ATRNL1: variants seen among roughly 807,000 people sequenced by gnomAD.
ATRNL1 encodes attractin like 1.
A neutral mutation model predicts 182.7 loss-of-function variants in ATRNL1; 95 were observed. The observed-to-expected ratio is 0.52, with a 90% CI of 0.44 to 0.62. The LOEUF (loss-of-function observed/expected upper bound fraction) is 0.62. Ranked by LOEUF, ATRNL1 falls within the 20% of genes least tolerant of loss-of-function variation. The probability of loss-of-function intolerance (pLI) is 0.00; values close to 1 mark genes in which losing one functional copy is unlikely to be tolerated. For missense variants in ATRNL1, 1,471 were observed against 1,679.5 expected, an observed-to-expected ratio of 0.88 and a Z score of 2.17; for synonymous variants, 576 against 568.3, an observed-to-expected ratio of 1.01 and a Z score of -0.19.
chr10:115,737,191 C>G (rs1555066088), intron 27 of ATRNL1, among the ~76,000 whole-genome samples: 1 of 151,554 alleles, frequency 6.6e-6, no homozygotes, highest in African/African-American at 2.4e-5. Flanking sequence ...TTTGGGAGGC[C>G]TAGGCAGGAG....
chr10:115,868,903 C>T (rs1191660294), intron 28 of ATRNL1, among the ~76,000 whole-genome samples: 1 of 138,886 alleles, frequency 7.2e-6, no homozygotes, highest in Admixed American at 7.6e-5. Context: ...GATCTCGGCT[C>T]ACTGCAAGCT....
At chr10:115,698,229 T>A (rs1013344239) in intron 26 of ATRNL1, among the ~76,000 whole-genome samples, 1 of 152,102 alleles carries the variant, frequency 6.6e-6, no homozygotes, top group Non-Finnish European at 1.5e-5. Flanking sequence ...CTCATGAAAC[T>A]AGTTAAATGA....
At chr10:115,369,499 T>A (rs905209804) in intron 19 of ATRNL1, among the ~76,000 whole-genome samples, 1 of 152,210 alleles carries the variant, frequency 6.6e-6, no homozygotes, top group African/African-American at 2.4e-5. Context: ...TGATTTTGTA[T>A]CTTTGCTAGT....
intron 25 of ATRNL1, among the ~76,000 whole-genome samples, chr10:115,522,505 A>G (rs950146635): frequency 1.3e-5 from 2 of 152,128 alleles, no homozygotes; most frequent in Admixed American, 1.3e-4. Context: ...ATTAGGCTCA[A>G]TCTCCAACGA....
chr10:115,778,475 T>A (rs987551478), intron 27 of ATRNL1, among the ~76,000 whole-genome samples: 3 of 152,220 alleles, frequency 2.0e-5, no homozygotes, highest in Non-Finnish European at 2.9e-5. Flanking sequence ...ACTGAGTTGG[T>A]CTTTAAAGAG....
chr10:115,577,610 T>TTGTGTGTGTGTGTGTGTG (rs3981280), intron 26 of ATRNL1, among the ~76,000 whole-genome samples: 2 of 135,016 alleles, frequency 1.5e-5, no homozygotes, highest in Non-Finnish European at 1.6e-5. Flanking sequence ...TTCTAACAGG[T>TTGTGTGTGTGTGTGTGTG]TGTGTGTGTG....
intron 17 of ATRNL1, among the ~76,000 whole-genome samples, chr10:115,305,409 T>G (rs1489169112): frequency 6.6e-6 from 1 of 152,136 alleles, no homozygotes; most frequent in African/African-American, 2.4e-5. Flanking sequence ...TATTATGAGT[T>G]GAGCTCCCTG....
At chr10:115,785,179 A>T (rs1244784081) in intron 27 of ATRNL1, among the ~76,000 whole-genome samples, 1 of 152,236 alleles carries the variant, frequency 6.6e-6, no homozygotes, top group African/African-American at 2.4e-5. Context: ...TGCTTTCAAA[A>T]TACAATGATG....
intron 25 of ATRNL1, among the ~76,000 whole-genome samples, chr10:115,527,273 C>A (rs1400110792): frequency 1.3e-5 from 2 of 152,044 alleles, no homozygotes; most frequent in East Asian, 3.9e-4. Flanking sequence ...AGCTTGCCAT[C>A]ACAGCTGACT....
At chr10:115,635,318 TAA>T (rs200735973) in intron 26 of ATRNL1, among the ~76,000 whole-genome samples, 23 of 128,124 alleles carry the variant, frequency 1.8e-4, no homozygotes, top group African/African-American at 4.2e-4. Flanking sequence ...GGAAAAGTGG[TAA>T]AAAAAAAAAA....
At chr10:115,480,911 T>C (rs1848733787) in intron 24 of ATRNL1, among the ~76,000 whole-genome samples, 1 of 151,078 alleles carries the variant, frequency 6.6e-6, no homozygotes, top group African/African-American at 2.4e-5. Context: ...ATGGTATAAA[T>C]GTAAAATCTG....
chr10:115,389,185 T>C (rs1302225576), intron 19 of ATRNL1, among the ~76,000 whole-genome samples: 4 of 152,058 alleles, frequency 2.6e-5, no homozygotes, highest in Admixed American at 1.3e-4. Flanking sequence ...CCTGGTTTAT[T>C]TCATTTAGCA....
intron 22 of ATRNL1, among the ~76,000 whole-genome samples, chr10:115,464,463 T>C (rs1346539375): frequency 6.6e-6 from 1 of 151,970 alleles, no homozygotes; most frequent in Non-Finnish European, 1.5e-5. Context: ...CAAACAATGT[T>C]CTAAATCACT....
intron 9 of ATRNL1, among the ~76,000 whole-genome samples, chr10:115,216,236 G>T (rs1223054699): frequency 6.6e-6 from 1 of 152,112 alleles, no homozygotes; most frequent in African/African-American, 2.4e-5. Flanking sequence ...ATCTTTTCAT[G>T]TACATATTTA....
chr10:115,531,004 C>T (rs1851545265), intron 25 of ATRNL1, among the ~76,000 whole-genome samples: 1 of 152,114 alleles, frequency 6.6e-6, no homozygotes, highest in African/African-American at 2.4e-5. Flanking sequence ...ATATGTGCCA[C>T]ATTTTCTTAA....
chr10:115,902,932 G>C (rs549906375), intron 28 of ATRNL1, among the ~76,000 whole-genome samples: 4 of 152,290 alleles, frequency 2.6e-5, no homozygotes, highest in Non-Finnish European at 5.9e-5. Context: ...TTTCAAGGAA[G>C]CCCAGCTGTC....
At chr10:115,226,155 C>T (rs569847138) in intron 9 of ATRNL1, among the ~76,000 whole-genome samples, 36 of 151,856 alleles carry the variant, frequency 2.4e-4, no homozygotes, top group Non-Finnish European at 4.3e-4. Context: ...AAAGGTGGAA[C>T]TACAGAGCAG....
At chr10:115,393,490 AC>A (rs1844134230) in intron 19 of ATRNL1, among the ~76,000 whole-genome samples, 1 of 152,160 alleles carries the variant, frequency 6.6e-6, no homozygotes, top group Admixed American at 6.6e-5. Context: ...TCAGGAAAAG[AC>A]CATATCATTT....
intron 25 of ATRNL1, among the ~76,000 whole-genome samples, chr10:115,546,339 CAGATCATGAGGTCAGG>C (rs1467633805): frequency 6.6e-6 from 1 of 151,872 alleles, no homozygotes; most frequent in Non-Finnish European, 1.5e-5. Flanking sequence ...CTGAGGAGGG[CAGATCATGAGGTCAGG>C]AGATCGAGAC....
Sources: gnomAD v4.1 joint callset for allele counts (sites outside exome capture counted in the v4.1 genomes callset) on GRCh38, gnomAD v4.1.1 for gene constraint, MANE v1.5 for transcripts, NCBI Gene and HGNC (gene_info 2026-07-23, HGNC 2026-07-21) for gene names.